TIAM1: variants seen among roughly 807,000 people sequenced by gnomAD.
The protein encoded by TIAM1 is rho guanine nucleotide exchange factor TIAM1.
Under a neutral mutation model 163.5 loss-of-function variants are expected in TIAM1, and 65 were observed. The observed-to-expected ratio is 0.40, with a 90% CI of 0.33 to 0.49. TIAM1 has a LOEUF of 0.49. TIAM1 is among the 20% of genes least tolerant of loss of function. The pLI is 0.77. For synonymous variants in TIAM1, 833 were observed against 810.1 expected, an observed-to-expected ratio of 1.03 and a Z score of -0.48; for missense variants, 1,789 against 2,044.7, an observed-to-expected ratio of 0.87 and a Z score of 2.41.
intron 16 of TIAM1, among the ~76,000 whole-genome samples, chr21:31,159,636 C>T (rs1206200381): frequency 6.6e-6 from 1 of 152,172 alleles, no homozygotes; most frequent in African/African-American, 2.4e-5. Flanking sequence ...TTTTCAGTTT[C>T]CTCTTGAACA....
chr21:31,308,632 T>C (rs972267711), intron 2 of TIAM1, among the ~76,000 whole-genome samples: 2 of 152,198 alleles, frequency 1.3e-5, no homozygotes, highest in Non-Finnish European at 2.9e-5. Flanking sequence ...TAATTTGTTA[T>C]GATGATATTG....
intron 2 of TIAM1, among the ~76,000 whole-genome samples, chr21:31,461,409 G>C (rs182777132): frequency 2.6e-5 from 4 of 152,064 alleles, no homozygotes; most frequent in African/African-American, 7.2e-5. Context: ...GTTTGAACCC[G>C]GGAGGCGGAG....
At position 31,556,823 on chromosome 21, in the gene TIAM1, G is replaced by C. The variant is rs183750270; in HGVS notation, c.-422+2104C>G. ...CAAAGATAATTACTTAGCAACGTCG[G>C]TGTTTACCACGCAAAGGCATCCACC... is the stretch of plus-strand genomic sequence containing the variant. On this transcript the variant is annotated intron_variant, in intron 1 of 28. Transcript: ENST00000286827. 6.6e-5 allele frequency among the ~76,000 whole-genome samples: 10 copies of C among 152,248 alleles called. No homozygotes were observed. The East Asian group carries it at 1.9e-3, about 29-fold the overall frequency.
intron 2 of TIAM1, among the ~76,000 whole-genome samples, chr21:31,318,185 C>T (rs2075192697): frequency 6.6e-6 from 1 of 152,174 alleles, no homozygotes; most frequent in Non-Finnish European, 1.5e-5. Context: ...GCAACTTCTG[C>T]CTCCCAGGCT....
chr21:31,519,213 G>A (rs1284694739), intron 1 of TIAM1, among the ~76,000 whole-genome samples: 1 of 151,170 alleles, frequency 6.6e-6, no homozygotes, highest in South Asian at 2.1e-4. Context: ...GCTGAGGCAG[G>A]AGAATTGCTT....
intron 2 of TIAM1, among the ~76,000 whole-genome samples, chr21:31,398,500 T>A (rs1188858209): frequency 6.6e-6 from 1 of 152,244 alleles, no homozygotes; most frequent in African/African-American, 2.4e-5. Flanking sequence ...CCACATCTTT[T>A]GTATTCTCCA....
rs1164936274 is a variant in TIAM1, at chr21:31,154,287, A to G, written c.3131T>C (p.Val1044Ala). Residue 1044 changes from valine (V) to alanine (A), a missense_variant, in exon 17 of 28, where the codon GTG becomes GCG. Around this residue, in one of 5 missense-constraint regions of TIAM1, gnomAD observed 303 missense variants for 321.3 expected, o/e 0.94. Coordinates refer to ENST00000541036, the MANE Select transcript of TIAM1 (RefSeq NM_001353694.2). ...CTCCGTCTCCAGGAGCTCGCAGATC[A>G]CCTTGCGCAGCTTATCTGCATCCGA... ...QLSDADKLRK[V>A]ICELLETERT... 6.2e-7 allele frequency: 1 copy of G among 1,613,922 alleles called. No homozygotes were observed. Among genetic ancestry groups the G allele is most frequent in the African/African-American group, 1.3e-5 (1 of 74,894 alleles).
At chr21:31,479,438 T>G (rs576598095) in intron 1 of TIAM1, among the ~76,000 whole-genome samples, 2 of 134,854 alleles carry the variant, frequency 1.5e-5, no homozygotes, top group Admixed American at 7.4e-5. Context: ...GACGGATGAA[T>G]GGAAGGATGG....
In TIAM1 at chr21:31,136,731, TCAGAGA is replaced by T. The variant is rs995770179; in HGVS notation, c.3775-696_3775-691del. ...CTACAAAACTGGAGATGTTTTGTGT[TCAGAGA>T]CAGTTTCCCAAGGAGATGCTAATGG... On this transcript the variant is annotated intron_variant, in intron 22 of 27. Transcript: ENST00000541036. Among the ~76,000 whole-genome samples the T allele has an allele frequency of 3.2e-4, 49 of 152,344 alleles. 2 individuals carry two copies. The East Asian group carries it at 5.0e-3, about 16-fold the overall frequency.
intron 2 of TIAM1, among the ~76,000 whole-genome samples, chr21:31,317,446 T>G: frequency 6.7e-6 from 1 of 150,158 alleles, no homozygotes; most frequent in East Asian, 2.0e-4. Context: ...AGAGTGAAAC[T>G]CCATCTCAAA....
intron 2 of TIAM1, among the ~76,000 whole-genome samples, chr21:31,363,754 G>A (rs1008095001): frequency 5.3e-5 from 8 of 152,104 alleles, no homozygotes; most frequent in African/African-American, 1.9e-4. Context: ...AGCTGCAGAC[G>A]CTTTGCTAGC....
rs1388684938 is a variant in TIAM1 at position 31,258,712 on chromosome 21, G to A, written c.964-6523C>T. Among the ~76,000 whole-genome samples the A allele has an allele frequency of 3.3e-5, 5 of 152,006 alleles. No homozygotes were observed. In the East Asian group the frequency reaches 9.6e-4, roughly 29 times the overall value. On this transcript the variant is annotated intron_variant, in intron 4 of 27. Coordinates refer to ENST00000541036, the MANE Select transcript of TIAM1 (RefSeq NM_001353694.2). ...CACCTGTAGTCCCAGCTACTCCGGA[G>A]GCTGAGGCAGGAGAATCACTTGAAC...
At chr21:31,256,223 G>A (rs544344905) in intron 4 of TIAM1, among the ~76,000 whole-genome samples, 9 of 152,302 alleles carry the variant, frequency 5.9e-5, no homozygotes, top group Non-Finnish European at 1.0e-4. Flanking sequence ...CTACCAAAGG[G>A]AGAGGTTTTC....
At chr21:31,219,422 AG>A (rs1190119326) in intron 8 of TIAM1, among the ~76,000 whole-genome samples, 2 of 152,188 alleles carry the variant, frequency 1.3e-5, no homozygotes, top group Non-Finnish European at 2.9e-5. Flanking sequence ...ATTCCCACAC[AG>A]GCAACTCCCA....
At chr21:31,317,374 A>G (rs2075162558) in intron 2 of TIAM1, among the ~76,000 whole-genome samples, 1 of 151,894 alleles carries the variant, frequency 6.6e-6, no homozygotes, top group Non-Finnish European at 1.5e-5. Context: ...AATTGCTTGA[A>G]CTCGGGAGGC....
At position 31,203,011 on chromosome 21, in the gene TIAM1, G is replaced by A. The variant is rs764709220; in HGVS notation, c.2390C>T (p.Thr797Ile). The stretch of plus-strand genomic sequence containing the variant: ...ATGAGCAGAATGATCCAGTTGATGT[G>A]TCTGGGACAAAAAAGAAAGAAAGAA... ...ARDTLELICK[T>I]HQLDHSAHYL... Residue 797 changes from threonine to isoleucine, a missense_variant and splice_region_variant, in exon 12 of 28, where the codon ACA (threonine) becomes ATA (isoleucine). Thr to Ile is a moderately conservative substitution (Grantham distance 89). Around this residue, in one of 5 missense-constraint regions of TIAM1, gnomAD observed 456 missense variants for 586.6 expected, o/e 0.78. Transcript: ENST00000541036. The A allele has an allele frequency of 5.0e-6, 8 of 1,609,238 alleles. No individual in the cohort carries two copies. The Admixed American group carries it at 1.2e-4, about 24-fold the overall frequency.
intron 19 of TIAM1, among the ~76,000 whole-genome samples, chr21:31,147,786 A>AT (rs2083202161): frequency 1.5e-5 from 2 of 135,768 alleles, no homozygotes; most frequent in African/African-American, 2.8e-5. Context: ...TATTATATTA[A>AT]AATATATATA....
rs765456973 is a variant in TIAM1, at chr21:31,186,953, C to T, written c.2662+48G>A. ...TTCTCCTTCAAAAACTAGAGAAGCC[C>T]CAAAGGGCATTTAAGACAGACAGAC... is the stretch of plus-strand genomic sequence containing the variant. On this transcript the variant is annotated intron_variant, in intron 14 of 27. Coordinates refer to ENST00000541036, the MANE Select transcript of TIAM1 (RefSeq NM_001353694.2). The T allele has an allele frequency of 5.9e-6, 9 of 1,528,070 alleles. No homozygotes were observed. In the African/African-American group the frequency reaches 1.1e-4, roughly 19 times the overall value. 94.7% of individuals were successfully genotyped at this position (1,528,070 alleles called of 1,614,324 possible).
At chr21:31,351,947 A>G (rs1355646706) in intron 2 of TIAM1, among the ~76,000 whole-genome samples, 1 of 151,848 alleles carries the variant, frequency 6.6e-6, no homozygotes, top group South Asian at 2.1e-4. Context: ...GTGTGCCTGT[A>G]CTCCCAGCTA....
Sources: gnomAD v4.1 joint callset for allele counts (sites outside exome capture counted in the v4.1 genomes callset) on GRCh38, gnomAD v4.1.1 for gene constraint, gnomAD v4.1.1 regional missense constraint, MANE v1.5 for transcripts, NCBI Gene and HGNC (gene_info 2026-07-23, HGNC 2026-07-21) for gene names.